Variants in FAM149B1 observed in about 807,000 individuals in gnomAD.
The protein encoded by FAM149B1 is primary cilium assembly protein FAM149B1.
A neutral mutation model predicts 75.3 loss-of-function variants in FAM149B1; 56 were observed. That is an observed-to-expected ratio of 0.74 (90% CI 0.60 to 0.93). FAM149B1 has a LOEUF of 0.93. Ranked by LOEUF, FAM149B1 falls within the 40% of genes least tolerant of loss-of-function variation. The pLI is 0.00. For synonymous variants in FAM149B1, 259 were observed against 256.1 expected, an observed-to-expected ratio of 1.01 and a Z score of -0.11; for missense variants, 639 against 708.4, an observed-to-expected ratio of 0.90 and a Z score of 1.11.
At position 73,215,227 on chromosome 10, in the gene FAM149B1, G is replaced by A. The variant is rs573964195; in HGVS notation, c.898+4789G>A. On this transcript the variant is annotated intron_variant, in intron 7 of 13. Coordinates refer to ENST00000242505, the MANE Select transcript of FAM149B1 (RefSeq NM_173348.2). ...GTAGAGATAGGGTTTTGTCATGTTGGCGAGGCTGGTCTTGAACTCCTCACC... is the reference window on the plus strand; with the variant it reads ...GTAGAGATAGGGTTTTGTCATGTTGACGAGGCTGGTCTTGAACTCCTCACC... Among the ~76,000 whole-genome samples the A allele has an allele frequency of 5.5e-4, 84 of 152,180 alleles. 1 individual carries two copies. Among genetic ancestry groups the A allele is most frequent in the Admixed American group, 4.6e-3 (71 of 15,278 alleles).
At chr10:73,200,777 G>A in intron 5 of FAM149B1, 1 of 469,158 alleles carries the variant, frequency 2.1e-6, no homozygotes, top group Admixed American at 2.6e-5. Flanking sequence ...TGTTGAGCAG[G>A]AGGAATGGAA....
intron 1 of FAM149B1, among the ~76,000 whole-genome samples, chr10:73,168,691 G>A (rs1445961762): frequency 6.6e-6 from 1 of 152,210 alleles, no homozygotes; most frequent in Non-Finnish European, 1.5e-5. Flanking sequence ...ATAGCTAACT[G>A]AGGGCTCCAG....
At chr10:73,226,838 C>G (rs753578597) in intron 7 of FAM149B1, among the ~76,000 whole-genome samples, 3 of 152,142 alleles carry the variant, frequency 2.0e-5, no homozygotes, top group Non-Finnish European at 4.4e-5. Context: ...TTAGAACAAA[C>G]TGACAGGTGC....
Position 73,240,229 on chromosome 10 carries a change from A to G in FAM149B1, c.1676-717A>G, listed in dbSNP as rs1346064463. On this transcript the variant is annotated intron_variant, in intron 13 of 13. Coordinates refer to ENST00000242505, the MANE Select transcript of FAM149B1 (RefSeq NM_173348.2). ...TAAATTTAGAAGTAATGGACAGCTG[A>G]GATGTTTCCTGTTAATGATCAAAAT... 4.6e-5 allele frequency among the ~76,000 whole-genome samples: 7 copies of G among 152,222 alleles called. No individual in the cohort carries two copies. In the East Asian group the frequency reaches 9.6e-4, roughly 21 times the overall value.
chr10:73,192,036 A>G (rs901181459), intron 3 of FAM149B1, among the ~76,000 whole-genome samples: 2 of 151,796 alleles, frequency 1.3e-5, no homozygotes, highest in African/African-American at 4.8e-5. Context: ...AGTAGCTAGG[A>G]TTACTGGTGT....
chr10:73,184,736 G>GA (rs1564683873), intron 3 of FAM149B1, among the ~76,000 whole-genome samples: 1 of 152,064 alleles, frequency 6.6e-6, no homozygotes, highest in Non-Finnish European at 1.5e-5. Context: ...AAAGAAAAGG[G>GA]AAAAGCAAAA....
At chr10:73,194,788 A>G (rs1024015937) in intron 5 of FAM149B1, among the ~76,000 whole-genome samples, 2 of 151,762 alleles carry the variant, frequency 1.3e-5, no homozygotes, top group Non-Finnish European at 2.9e-5. Flanking sequence ...GGTTCAAGCA[A>G]TTCTCCTGCC....
intron 8 of FAM149B1, among the ~76,000 whole-genome samples, chr10:73,229,311 A>G (rs1319671502): frequency 6.6e-6 from 1 of 152,196 alleles, no homozygotes; most frequent in African/African-American, 2.4e-5. Context: ...CTGGATTTAC[A>G]AAACAGGTAT....
chr10:73,232,690 T>A (rs2133404625), intron 9 of FAM149B1, among the ~76,000 whole-genome samples: 1 of 152,376 alleles, frequency 6.6e-6, no homozygotes, highest in East Asian at 1.9e-4. Flanking sequence ...GATAATGGAC[T>A]TGCTTTGCCA....
At chr10:73,191,920 C>T (rs1055552467) in intron 3 of FAM149B1, among the ~76,000 whole-genome samples, 1 of 151,042 alleles carries the variant, frequency 6.6e-6, no homozygotes, top group South Asian at 2.1e-4. Context: ...TTTTGAGACA[C>T]AGTCTAGCTC....
Position 73,244,180 on chromosome 10 carries a change from C to A in FAM149B1, c.*3161C>A. ...GCTAGAGGTAGTAAGTACTCTGGCACTCATAAATCACATGATGATAAAAAG... is the reference window on the plus strand; with the variant it reads ...GCTAGAGGTAGTAAGTACTCTGGCAATCATAAATCACATGATGATAAAAAG... On this transcript the variant is annotated 3_prime_UTR_variant, in exon 14 of 14. Coordinates refer to ENST00000242505, the MANE Select transcript of FAM149B1 (RefSeq NM_173348.2). 8.6e-6 allele frequency: 4 copies of A among 467,522 alleles called. No homozygotes were observed. In the South Asian group the frequency reaches 1.1e-4, roughly 13 times the overall value. 29.0% of individuals were successfully genotyped at this position (467,522 alleles called of 1,614,324 possible). A position where few individuals can be genotyped will look rare whatever the true frequency, so the allele number is the denominator to read the frequency against.
chr10:73,188,743 AAGGAAGGAAGGAGGGAAGG>A (rs1241543700), intron 3 of FAM149B1, among the ~76,000 whole-genome samples: 19 of 131,902 alleles, frequency 1.4e-4, no homozygotes, highest in African/African-American at 4.1e-4. Context: ...GAAAAAAAAA[AAGGAAGGAAGGAGGGAAGG>A]AAGGAAGGAA....
intron 10 of FAM149B1, 43 bp downstream of exon 10, chr10:73,233,206 A>C: frequency 7.7e-7 from 1 of 1,299,094 alleles, no homozygotes; most frequent in South Asian, 1.3e-5. Context: ...TGGTAAAACT[A>C]ACACATTTTA....
intron 7 of FAM149B1, among the ~76,000 whole-genome samples, chr10:73,214,861 C>T (rs961922310): frequency 2.6e-5 from 4 of 152,082 alleles, no homozygotes; most frequent in African/African-American, 9.7e-5. Flanking sequence ...GGAGTAGTTT[C>T]AGGAGGATTG....
intron 12 of FAM149B1, among the ~76,000 whole-genome samples, chr10:73,236,740 T>TA (rs1554864687): frequency 5.3e-5 from 8 of 150,580 alleles, no homozygotes; most frequent in East Asian, 3.9e-4. Context: ...TTTTTTTTTT[T>TA]AAGACAGGGT....
At chr10:73,227,989 C>A in intron 7 of FAM149B1, 71 bp from the exon 8 acceptor site, 3 of 1,448,128 alleles carry the variant, frequency 2.1e-6, no homozygotes, top group South Asian at 1.2e-5. Context: ...CAGGAGAGAT[C>A]TTTTTTCACA....
chr10:73,178,329 T>C (rs2133306157), intron 3 of FAM149B1, among the ~76,000 whole-genome samples: 1 of 152,228 alleles, frequency 6.6e-6, no homozygotes, highest in South Asian at 2.1e-4. Flanking sequence ...CTGTCTCTAC[T>C]AAAAATACAA....
chr10:73,210,267 G>C lies in FAM149B1; in HGVS notation c.727G>C (p.Gly243Arg), dbSNP rs947829147. The change falls in exon 7 of 14, where the codon GGG (glycine) becomes CGG (arginine). Residue 243 changes from glycine to arginine, a missense_variant. Transcript: ENST00000242505. ...DHIDIEEGFH[G>R]KKSEAATEKQ... Reference sequence around the variant, plus strand: ...CTGTTACAGAGAAGAGGGATTTCATGGGAAGAAATCAGAAGCAGCTACAGA... The same window carrying C: ...CTGTTACAGAGAAGAGGGATTTCATCGGAAGAAATCAGAAGCAGCTACAGA... 1 of 1,549,892 alleles carries C rather than the reference G, an allele frequency of 6.5e-7. No homozygotes were observed. The highest frequency in any genetic ancestry group is 1.4e-5 in the African/African-American group (1 of 72,980).
chr10:73,202,073 G>C (rs989906479), intron 5 of FAM149B1, among the ~76,000 whole-genome samples: 4 of 152,190 alleles, frequency 2.6e-5, no homozygotes. Flanking sequence ...GCTGAGACAG[G>C]AGAGTCACTT....
Sources: allele counts gnomAD v4.1 joint callset (sites outside exome capture counted in the v4.1 genomes callset), GRCh38; gene constraint gnomAD v4.1.1; transcripts MANE v1.5; gene names NCBI Gene and HGNC (gene_info 2026-07-23, HGNC 2026-07-21).